The following NDC80 variants were observed in gnomAD, a reference collection of about 807,000 sequenced individuals.
NDC80 encodes the protein kinetochore protein NDC80 homolog.
NDC80 carries 69 observed loss-of-function variants against 89.3 expected under a neutral mutation model. The observed-to-expected ratio is 0.77, with a 90% CI of 0.64 to 0.94. NDC80 has a LOEUF of 0.94. Ranked by LOEUF, NDC80 falls within the 40% of genes least tolerant of loss-of-function variation. The pLI is 0.00. For missense variants in NDC80, 593 were observed against 739.6 expected (o/e 0.80, Z 2.30); for synonymous variants, 243 against 255.6 (o/e 0.95, Z 0.47).
At chr18:2,611,746 T>C (rs1258032541) in intron 16 of NDC80, among the ~76,000 whole-genome samples, 2 of 152,100 alleles carry the variant, frequency 1.3e-5, no homozygotes, top group African/African-American at 4.8e-5. Flanking sequence ...ATAATATATT[T>C]CCAGTTGAGT....
At chr18:2,577,641 G>A (rs533711475) in intron 3 of NDC80, 105 bp from the exon 4 acceptor site, 34 of 1,206,854 alleles carry the variant, frequency 2.8e-5, no homozygotes, top group Non-Finnish European at 3.3e-5. Flanking sequence ...TTATAAGAAC[G>A]TAATGTTTGA....
At chr18:2,583,693 G>A (rs12956066) in intron 6 of NDC80, among the ~76,000 whole-genome samples, 25,523 of 137,594 alleles carry the variant, frequency 0.19, 2,748 homozygotes, top group South Asian at 0.3. Flanking sequence ...GGGAGACTCC[G>A]TCTCAAAAAA....
At chr18:2,607,965 G>GTATATATATGTA (rs2072721938) in intron 14 of NDC80, among the ~76,000 whole-genome samples, 1 of 68,152 alleles carries the variant, frequency 1.5e-5, no homozygotes, top group Non-Finnish European at 2.7e-5. Context: ...TATATACATA[G>GTATATATATGTA]TATATATATA....
chr18:2,584,955 A>T (rs991586910), intron 6 of NDC80, among the ~76,000 whole-genome samples, 158 bp from the exon 7 acceptor site: 1 of 152,248 alleles, frequency 6.6e-6, no homozygotes, highest in African/African-American at 2.4e-5. Flanking sequence ...AAAGAAAGTC[A>T]AAAGTGTTAA....
chr18:2,581,681 A>G (rs1183606628), intron 6 of NDC80, among the ~76,000 whole-genome samples: 1 of 152,178 alleles, frequency 6.6e-6, no homozygotes, highest in East Asian at 1.9e-4. Context: ...TATTTTCCCC[A>G]CAGTTTTGAA....
At chr18:2,597,457 G>C (rs2072662802) in intron 11 of NDC80, among the ~76,000 whole-genome samples, 1 of 152,190 alleles carries the variant, frequency 6.6e-6, no homozygotes. Context: ...CGGTCCGGAT[G>C]CAGTGGCACA....
In NDC80 at chr18:2,581,212, T is replaced by C. The variant is rs116750329; in HGVS notation, c.579+2183T>C. On this transcript the variant is annotated intron_variant, in intron 6 of 16. Transcript: ENST00000261597. ...AGGCCTTTTTTCCTCCCCAGTGTTT[T>C]TTAAAAACAATTTTACAAATTTTCT... 3.0e-3 allele frequency among the ~76,000 whole-genome samples: 463 copies of C among 152,368 alleles called. 2 individuals are homozygous for C. The highest frequency in any genetic ancestry group is 0.011 in the African/African-American group (437 of 41,586).
chr18:2,603,954 A>G (rs2072697629), intron 13 of NDC80, among the ~76,000 whole-genome samples: 1 of 152,250 alleles, frequency 6.6e-6, no homozygotes, highest in African/African-American at 2.4e-5. Context: ...TGTAGGCCTC[A>G]TACCACAACA....
intron 16 of NDC80, among the ~76,000 whole-genome samples, chr18:2,614,772 C>T (rs1428248125): frequency 6.6e-6 from 1 of 152,146 alleles, no homozygotes; most frequent in African/African-American, 2.4e-5. Context: ...CCGCAAAAGT[C>T]ATGTCTATCC....
chr18:2,574,906 TGTTG>T, intron 2 of NDC80, 79 bp from the exon 3 acceptor site: 1 of 837,264 alleles, frequency 1.2e-6, no homozygotes, highest in Non-Finnish European at 1.9e-6. Flanking sequence ...GGGGAAGAGT[TGTTG>T]GTTCTAATAT....
intron 14 of NDC80, among the ~76,000 whole-genome samples, chr18:2,608,076 T>A (rs2143666774): frequency 6.8e-6 from 1 of 147,336 alleles, no homozygotes; most frequent in Admixed American, 6.8e-5. Flanking sequence ...AATATCTTTG[T>A]ATATCTTTAT....
chr18:2,578,142 G>C lies in NDC80; in HGVS notation c.476+1G>C. 6.2e-7 allele frequency: 1 copy of C among 1,612,314 alleles called. No homozygotes were observed. Among genetic ancestry groups the C allele is most frequent in the East Asian group, 2.2e-5 (1 of 44,836 alleles). ...TTCCAAGAATCTTTAAAGACCTTGG[G>C]TATGTATATTTCTTATTAGTTTAGA... On this transcript the variant is annotated splice_donor_variant, in intron 5 of 16. Coordinates refer to ENST00000261597, the MANE Select transcript of NDC80 (RefSeq NM_006101.3). LOFTEE classifies it high-confidence loss of function.
In NDC80 at chr18:2,577,695, T is replaced by A. The variant is rs2072554225; in HGVS notation, c.180-51T>A. 1.9e-6 allele frequency: 3 copies of A among 1,598,828 alleles called. No homozygotes were observed. The Admixed American group carries it at 5.3e-5, about 28-fold the overall frequency. ...AAACTGCCTTGAAATAATTTAGACT[T>A]GATCACAGAAGCAAATAGTTTTAAC... On this transcript the variant is annotated intron_variant, in intron 3 of 16. Coordinates refer to ENST00000261597, the MANE Select transcript of NDC80 (RefSeq NM_006101.3).
intron 6 of NDC80, chr18:2,582,640 G>T (rs1374762972): frequency 6.6e-6 from 1 of 152,144 alleles, no homozygotes; most frequent in African/African-American, 2.4e-5. Context: ...TGTTTTGCAT[G>T]TTGAAGTTTA....
At chr18:2,602,186 A>G (rs1179168447) in intron 13 of NDC80, among the ~76,000 whole-genome samples, 1 of 152,154 alleles carries the variant, frequency 6.6e-6, no homozygotes, top group Non-Finnish European at 1.5e-5. Context: ...AAGATATAAA[A>G]TGAAATTTTA....
chr18:2,603,658 AG>A (rs1375441715), intron 13 of NDC80, among the ~76,000 whole-genome samples: 1 of 152,102 alleles, frequency 6.6e-6, no homozygotes, highest in Non-Finnish European at 1.5e-5. Flanking sequence ...TAGTTTATAG[AG>A]ATGGTGGAAA....
At chr18:2,610,698 A>C (rs1408697498) in intron 15 of NDC80, 61 bp from the exon 16 acceptor site, 6 of 1,108,302 alleles carry the variant, frequency 5.4e-6, no homozygotes, top group Non-Finnish European at 7.8e-6. Flanking sequence ...AAGTGAGCTA[A>C]CTAGAACGGA....
In NDC80 at chr18:2,610,772, G is replaced by T. The variant is rs1001290279; in HGVS notation, c.1702G>T (p.Val568Leu). Residue 568 changes from valine (V) to leucine (L), a missense_variant, in exon 16 of 17, where the codon GTG (valine) becomes TTG (leucine). Val to Leu is a conservative substitution (Grantham distance 32). Coordinates refer to ENST00000261597, the MANE Select transcript of NDC80 (RefSeq NM_006101.3). The stretch of plus-strand genomic sequence containing the variant: ...TTTGTTCTACAGATACCAACTAGTT[G>T]TGCAAACCACGACTGAAGAAAGACG... ...DAVQREYQLV[V>L]QTTTEERRKV... is the part of the protein sequence containing the mutation. 6.3e-7 allele frequency: 1 copy of T among 1,590,000 alleles called. No individual in the cohort carries two copies. The highest frequency in any genetic ancestry group is 1.3e-5 in the African/African-American group (1 of 74,304).
At chr18:2,598,891 G>A (rs2072670355) in intron 11 of NDC80, 128 bp from the exon 12 acceptor site, 3 of 890,392 alleles carry the variant, frequency 3.4e-6, no homozygotes, top group Non-Finnish European at 4.9e-6. Context: ...TACTGCTAAA[G>A]ATTACTGAAT....
Sources: allele counts gnomAD v4.1 joint callset (sites outside exome capture counted in the v4.1 genomes callset), GRCh38; gene constraint gnomAD v4.1.1; transcripts MANE v1.5; gene names NCBI Gene and HGNC (gene_info 2026-07-23, HGNC 2026-07-21).